The following TRHDE variants were observed in gnomAD, a reference collection of about 807,000 sequenced individuals.
The protein encoded by TRHDE is thyrotropin releasing hormone degrading enzyme.
In TRHDE, 72 loss-of-function variants were observed where a neutral mutation model predicts 125.7. The ratio of observed to expected loss-of-function variants is 0.57; its 90% CI spans 0.47 to 0.70. The LOEUF is 0.70. Ranked by LOEUF, TRHDE falls within the 30% of genes least tolerant of loss-of-function variation. The pLI, the probability that TRHDE is intolerant of heterozygous loss-of-function variation, is 0.00. For synonymous variants in TRHDE, 509 were observed against 509.1 expected, an observed-to-expected ratio of 1.00 and a Z score of 0.00; for missense variants, 1,110 against 1,327.1, an observed-to-expected ratio of 0.84 and a Z score of 2.54.
chr12:72,301,814 A>G (rs919952528), intron 2 of TRHDE, among the ~76,000 whole-genome samples: 3 of 152,142 alleles, frequency 2.0e-5, no homozygotes, highest in Admixed American at 6.6e-5. Context: ...CTAGGACTGT[A>G]GGTAGGGTGG....
chr12:72,189,871 C>G (rs1488046738), intron 2 of TRHDE, among the ~76,000 whole-genome samples: 1 of 152,190 alleles, frequency 6.6e-6, no homozygotes, highest in Non-Finnish European at 1.5e-5. Context: ...TATGAGCCTG[C>G]AGATCCAGTG....
intron 1 of TRHDE, 27 bp from the exon 2 acceptor site, chr12:72,286,654 T>C: frequency 1.2e-6 from 2 of 1,604,098 alleles, no homozygotes; most frequent in Non-Finnish European, 1.7e-6. Flanking sequence ...ATAAATGTAA[T>C]TGAGAATGTC....
At position 72,575,362 on chromosome 12, in the gene TRHDE, A is replaced by G. The variant is rs1447968229; in HGVS notation, c.2239A>G (p.Ile747Val). Residue 747 changes from isoleucine to valine, a missense_variant, in exon 11 of 19, where the codon ATT (isoleucine) becomes GTT (valine). Ile to Val is a conservative substitution (Grantham distance 29, BLOSUM62 3). Coordinates refer to ENST00000261180, the MANE Select transcript of TRHDE (RefSeq NM_013381.3). ...TGACCTAAGGAACTGGAGATTATTA[A>G]TTGATCAATTAATCCGGAATCATGA... Reference protein sequence around the residue: ...NYDLRNWRLLIDQLIRNHEVL... With the variant: ...NYDLRNWRLLVDQLIRNHEVL... 5 of 1,613,548 alleles carry G rather than the reference A, an allele frequency of 3.1e-6. No individual in the cohort carries two copies. Among genetic ancestry groups the G allele is most frequent in the Non-Finnish European group, 4.2e-6 (5 of 1,179,720 alleles).
At chr12:72,132,797 A>G (rs1282407591) in intron 2 of TRHDE, among the ~76,000 whole-genome samples, 6 of 152,202 alleles carry the variant, frequency 3.9e-5, no homozygotes, top group Admixed American at 3.9e-4. Flanking sequence ...TTCAGGACAG[A>G]CTGATAGACA....
At chr12:72,414,625 G>T (rs1361885308) in intron 3 of TRHDE, among the ~76,000 whole-genome samples, 1 of 152,042 alleles carries the variant, frequency 6.6e-6, no homozygotes, top group Non-Finnish European at 1.5e-5. Context: ...TGGCAGTAAG[G>T]CTATTAATTA....
intron 7 of TRHDE, among the ~76,000 whole-genome samples, chr12:72,550,393 G>A (rs1869619876): frequency 1.3e-5 from 2 of 152,012 alleles, no homozygotes; most frequent in Admixed American, 6.6e-5. Flanking sequence ...CTTAGCTTCT[G>A]CATCAGCAGT....
At chr12:72,095,223 G>A (rs1042496120) in intron 1 of TRHDE, among the ~76,000 whole-genome samples, 1 of 152,228 alleles carries the variant, frequency 6.6e-6, no homozygotes, top group Non-Finnish European at 1.5e-5. Context: ...TGGCTAGGCT[G>A]CTGCCAACAC....
At chr12:72,524,121 A>G (rs558265261) in intron 6 of TRHDE, among the ~76,000 whole-genome samples, 10 of 152,244 alleles carry the variant, frequency 6.6e-5, no homozygotes, top group Middle Eastern at 3.4e-3. Flanking sequence ...GAAATCATCC[A>G]TTTCTCAATG....
intron 12 of TRHDE, among the ~76,000 whole-genome samples, chr12:72,615,681 A>G (rs781414318): frequency 2.6e-5 from 4 of 152,136 alleles, no homozygotes; most frequent in Non-Finnish European, 5.9e-5. Context: ...CAATTTGAGT[A>G]TAATCTGTTT....
chr12:72,616,489 G>T (rs1205535380), intron 12 of TRHDE, among the ~76,000 whole-genome samples: 1 of 151,984 alleles, frequency 6.6e-6, no homozygotes, highest in Non-Finnish European at 1.5e-5. Context: ...TAAATTATTT[G>T]CCTAATTGGA....
chr12:72,428,690 AC>A (rs1444044457), intron 3 of TRHDE, among the ~76,000 whole-genome samples: 1 of 152,148 alleles, frequency 6.6e-6, no homozygotes, highest in African/African-American at 2.4e-5. Context: ...TATATTCACA[AC>A]ATGTGTAGTC....
At chr12:72,388,069 CCT>C (rs1218214670) in intron 3 of TRHDE, among the ~76,000 whole-genome samples, 1 of 152,014 alleles carries the variant, frequency 6.6e-6, no homozygotes, top group Admixed American at 6.6e-5. Flanking sequence ...CCCTCCTACT[CCT>C]CTCTGTTTCA....
At position 72,354,678 on chromosome 12, in the gene TRHDE, T is replaced by A. The variant is rs559015225; in HGVS notation, c.1189-23317T>A. Among the ~76,000 whole-genome samples, 201 of 148,768 alleles carry A rather than the reference T, an allele frequency of 1.4e-3. 1 individual carries two copies. Among genetic ancestry groups the A allele is most frequent in the Non-Finnish European group, 2.4e-4 (16 of 67,104 alleles). On this transcript the variant is annotated intron_variant, in intron 2 of 18. Coordinates refer to ENST00000261180, the MANE Select transcript of TRHDE (RefSeq NM_013381.3). ...TAAAATAAATTATTTTAAATAATTTTAAAATATATATGTAAAATATATACC... is the reference window on the plus strand; with the variant it reads ...TAAAATAAATTATTTTAAATAATTTAAAAATATATATGTAAAATATATACC...
intron 3 of TRHDE, among the ~76,000 whole-genome samples, chr12:72,441,897 C>A (rs888392765): frequency 4.0e-5 from 6 of 151,840 alleles, no homozygotes; most frequent in Admixed American, 6.6e-5. Flanking sequence ...CGATTTTCTG[C>A]CACCCATTTT....
At chr12:72,573,278 T>C (rs1159513329) in intron 10 of TRHDE, among the ~76,000 whole-genome samples, 1 of 151,968 alleles carries the variant, frequency 6.6e-6, no homozygotes, top group East Asian at 1.9e-4. Flanking sequence ...TCTCGTTTAT[T>C]TATGTAGTCA....
intron 12 of TRHDE, among the ~76,000 whole-genome samples, chr12:72,585,722 T>C (rs1196053249): frequency 1.3e-5 from 2 of 152,232 alleles, no homozygotes; most frequent in Non-Finnish European, 2.9e-5. Context: ...ATGAGAGTTT[T>C]GAGGTAGACA....
At chr12:72,581,676 C>T (rs1324699027) in intron 12 of TRHDE, among the ~76,000 whole-genome samples, 1 of 150,110 alleles carries the variant, frequency 6.7e-6, no homozygotes, top group Admixed American at 6.7e-5. Context: ...TACAAATTTT[C>T]CCATGATGAG....
chr12:72,089,016 G>A lies in TRHDE; in HGVS notation n.174+1577G>A, dbSNP rs186055716. On this transcript the variant is annotated intron_variant and non_coding_transcript_variant, in intron 1 of 4. Coordinates refer to the TRHDE transcript ENST00000548156. ...CTCCAAATCAATATGTGCAAAAATT[G>A]AAATCTTGATCCTCCTTTTCAAACC... Among the ~76,000 whole-genome samples the A allele has an allele frequency of 7.6e-4, 116 of 152,158 alleles. 1 individual carries two copies. Among genetic ancestry groups the A allele is most frequent in the Admixed American group, 1.2e-3 (18 of 15,258 alleles).
intron 15 of TRHDE, among the ~76,000 whole-genome samples, chr12:72,636,906 C>T (rs1873779802): frequency 6.6e-6 from 1 of 151,898 alleles, no homozygotes; most frequent in Non-Finnish European, 1.5e-5. Context: ...TTCGTTTTGC[C>T]AGTATTTTAT....
Sources: gnomAD v4.1 joint callset for allele counts (sites outside exome capture counted in the v4.1 genomes callset) on GRCh38, gnomAD v4.1.1 for gene constraint, MANE v1.5 for transcripts, NCBI Gene and HGNC (gene_info 2026-07-23, HGNC 2026-07-21) for gene names.